Variants in CAMK1D observed in about 807,000 individuals in gnomAD.
The protein encoded by CAMK1D is calcium/calmodulin-dependent protein kinase type 1D.
CAMK1D carries 9 observed loss-of-function variants against 47.7 expected under a neutral mutation model. The observed-to-expected ratio is 0.19, with a 90% confidence interval of 0.11 to 0.33. The LOEUF is 0.33. Among genes scored for constraint, CAMK1D ranks in the 10% least tolerant of loss-of-function variants. The probability of loss-of-function intolerance (pLI) is 1.00; values close to 1 mark genes in which losing one functional copy is unlikely to be tolerated. For synonymous variants in CAMK1D, 184 were observed against 184.9 expected, an observed-to-expected ratio of 0.99 and a Z score of 0.04; for missense variants, 291 against 488.7, an observed-to-expected ratio of 0.60 and a Z score of 3.81.
chr10:12,492,306 T>C (rs957733978), intron 1 of CAMK1D, among the ~76,000 whole-genome samples: 1 of 139,090 alleles, frequency 7.2e-6, no homozygotes, highest in African/African-American at 2.7e-5. Context: ...AATCAAACCG[T>C]GGGGTTCTGC....
At chr10:12,418,902 G>A (rs570707817) in intron 1 of CAMK1D, among the ~76,000 whole-genome samples, 57 of 152,288 alleles carry the variant, frequency 3.7e-4, no homozygotes, top group Middle Eastern at 3.4e-3. Flanking sequence ...GCCATAGATG[G>A]AAGGCCTCAG....
At chr10:12,583,212 G>A (rs1837714200) in intron 2 of CAMK1D, among the ~76,000 whole-genome samples, 1 of 152,162 alleles carries the variant, frequency 6.6e-6, no homozygotes, top group African/African-American at 2.4e-5. Flanking sequence ...TCTGTACAGG[G>A]ACAGTTGTAG....
At chr10:12,473,657 C>T (rs1213096678) in intron 1 of CAMK1D, among the ~76,000 whole-genome samples, 1 of 151,998 alleles carries the variant, frequency 6.6e-6, no homozygotes, top group Non-Finnish European at 1.5e-5. Context: ...GCTGCAAGCC[C>T]GGGGAGTCTA....
chr10:12,802,505 C>T (rs909422899), intron 6 of CAMK1D, among the ~76,000 whole-genome samples: 2 of 152,152 alleles, frequency 1.3e-5, no homozygotes, highest in Non-Finnish European at 2.9e-5. Flanking sequence ...AACTGCAAGA[C>T]TTCTGGGCTG....
chr10:12,693,882 C>A (rs1833034012), intron 3 of CAMK1D, among the ~76,000 whole-genome samples: 2 of 109,896 alleles, frequency 1.8e-5, no homozygotes, highest in Non-Finnish European at 3.5e-5. Context: ...GACCCTGTTT[C>A]TAAATATATA....
chr10:12,796,255 G>C (rs1838191100), intron 6 of CAMK1D, among the ~76,000 whole-genome samples: 1 of 152,142 alleles, frequency 6.6e-6, no homozygotes. Context: ...ACAAGAGCAG[G>C]CTGGACGGGT....
intron 3 of CAMK1D, among the ~76,000 whole-genome samples, chr10:12,689,405 C>A (rs570072498): frequency 6.6e-6 from 1 of 152,328 alleles, no homozygotes; most frequent in South Asian, 2.1e-4. Flanking sequence ...CCTCATCCCA[C>A]ATTTAAAATG....
At chr10:12,537,986 A>G (rs1335519654) in intron 1 of CAMK1D, among the ~76,000 whole-genome samples, 1 of 152,190 alleles carries the variant, frequency 6.6e-6, no homozygotes, top group Non-Finnish European at 1.5e-5. Flanking sequence ...TCACTGACTG[A>G]ATATCACTTG....
intron 6 of CAMK1D, among the ~76,000 whole-genome samples, chr10:12,803,216 G>A (rs146853523): frequency 2.6e-5 from 4 of 152,344 alleles, no homozygotes; most frequent in African/African-American, 4.8e-5. Flanking sequence ...GGTTATTAAC[G>A]TTTATAGGAC....
At chr10:12,585,473 C>T (rs143865957) in intron 2 of CAMK1D, among the ~76,000 whole-genome samples, 3 of 152,280 alleles carry the variant, frequency 2.0e-5, no homozygotes, top group Non-Finnish European at 4.4e-5. Context: ...TTTCACGCTG[C>T]TGATAAAGAT....
At chr10:12,493,760 C>T (rs1038337989) in intron 1 of CAMK1D, among the ~76,000 whole-genome samples, 1 of 152,160 alleles carries the variant, frequency 6.6e-6, no homozygotes, top group Non-Finnish European at 1.5e-5. Context: ...TCCCAAAGTG[C>T]TGGGACTACA....
At chr10:12,590,710 G>A (rs562150869) in intron 2 of CAMK1D, among the ~76,000 whole-genome samples, 1 of 152,216 alleles carries the variant, frequency 6.6e-6, no homozygotes, top group Non-Finnish European at 1.5e-5. Flanking sequence ...GCTGCCGCCT[G>A]TAGAATAAAA....
chr10:12,579,283 C>G (rs960806092), intron 2 of CAMK1D, among the ~76,000 whole-genome samples: 3 of 152,066 alleles, frequency 2.0e-5, no homozygotes, highest in Admixed American at 6.6e-5. Context: ...CATAGCATTC[C>G]TCATATCTTT....
intron 1 of CAMK1D, among the ~76,000 whole-genome samples, chr10:12,516,695 A>G (rs1835221551): frequency 6.6e-6 from 1 of 152,254 alleles, no homozygotes; most frequent in African/African-American, 2.4e-5. Flanking sequence ...ATAGTCATGT[A>G]GTGATATCTC....
At chr10:12,723,850 G>A (rs991629351) in intron 3 of CAMK1D, among the ~76,000 whole-genome samples, 3 of 152,078 alleles carry the variant, frequency 2.0e-5, no homozygotes, top group Non-Finnish European at 4.4e-5. Context: ...ATGTTGGTGT[G>A]CTGCACCCAT....
intron 1 of CAMK1D, among the ~76,000 whole-genome samples, chr10:12,439,619 A>G (rs948071646): frequency 6.6e-6 from 1 of 152,164 alleles, no homozygotes; most frequent in African/African-American, 2.4e-5. Flanking sequence ...AGTTGAATTC[A>G]CTGTCCCGGG....
At chr10:12,422,548 T>G (rs1840089966) in intron 1 of CAMK1D, among the ~76,000 whole-genome samples, 5 of 152,044 alleles carry the variant, frequency 3.3e-5, no homozygotes, top group Admixed American at 3.3e-4. Flanking sequence ...CCTGGCCAAA[T>G]GCAAGAGGCC....
At chr10:12,387,873 T>C (rs1286217534) in intron 1 of CAMK1D, among the ~76,000 whole-genome samples, 1 of 152,166 alleles carries the variant, frequency 6.6e-6, no homozygotes, top group African/African-American at 2.4e-5. Context: ...ACTATTTTAT[T>C]CATTGTGAAA....
At chr10:12,438,029 A>C (rs1028014700) in intron 1 of CAMK1D, among the ~76,000 whole-genome samples, 4 of 152,368 alleles carry the variant, frequency 2.6e-5, no homozygotes, top group Non-Finnish European at 5.9e-5. Flanking sequence ...GATGTTCAGC[A>C]AAAACCACTT....
Sources: gnomAD v4.1 joint callset for allele counts (sites outside exome capture counted in the v4.1 genomes callset) on GRCh38, gnomAD v4.1.1 for gene constraint, MANE v1.5 for transcripts, NCBI Gene and HGNC (gene_info 2026-07-23, HGNC 2026-07-21) for gene names.